CORO1A: variants seen among roughly 807,000 people sequenced by gnomAD.
CORO1A encodes coronin-1A.
CORO1A carries 17 observed loss-of-function variants against 44.1 expected under a neutral mutation model. That is an observed-to-expected ratio of 0.39 (90% confidence interval 0.26 to 0.58). The LOEUF (loss-of-function observed/expected upper bound fraction) is 0.58, where lower values mean the gene tolerates loss of function less well. Among genes scored for constraint, CORO1A ranks in the 20% least tolerant of loss-of-function variants. CORO1A has a pLI of 0.62. For synonymous variants in CORO1A, 271 were observed against 244.2 expected, an observed-to-expected ratio of 1.11 and a Z score of -1.02; for missense variants, 415 against 606.5, an observed-to-expected ratio of 0.68 and a Z score of 3.32.
Position 30,187,756 on chromosome 16 carries a change from AGCTGGACACCAG to A in CORO1A, c.789_800del (p.Glu263_Ser267delinsAsp). 6.2e-7 allele frequency: 1 copy of A among 1,610,926 alleles called. No homozygotes were observed. Among genetic ancestry groups the A allele is most frequent in the African/African-American group, 1.3e-5 (1 of 74,370 alleles). The stretch of plus-strand genomic sequence containing the variant: ...CTGGAGGAGCCGCTGTCCCTGCAGG[AGCTGGACACCAG>A]CAGCGGTGTCCTGCTGCCCTTCTTT... On this transcript the variant is annotated inframe_deletion, in exon 7 of 11. Coordinates refer to ENST00000219150, the MANE Select transcript of CORO1A (RefSeq NM_007074.4).
At chr16:30,185,167 T>C in intron 1 of CORO1A, 42 bp from the exon 2 acceptor site, 1 of 1,601,354 alleles carries the variant, frequency 6.2e-7, no homozygotes, top group Non-Finnish European at 8.6e-7. Flanking sequence ...AAGATCAGAG[T>C]TGACCTGAAG....
At chr16:30,186,374 G>A in intron 2 of CORO1A, 1 of 585,446 alleles carries the variant, frequency 1.7e-6, no homozygotes. Flanking sequence ...GTCTTGCACG[G>A]CCCCCAACCT....
At chr16:30,187,009 A>T (rs1215924354) in intron 4 of CORO1A, 30 bp from the exon 5 acceptor site, 2 of 1,613,632 alleles carry the variant, frequency 1.2e-6, no homozygotes, top group Non-Finnish European at 1.7e-6. Flanking sequence ...CAGGAGGCTC[A>T]TGGCTTCTGA....
rs1036383191 is a variant in CORO1A at position 30,183,618 on chromosome 16, A to T, written c.-109A>T. On this transcript the variant is annotated 5_prime_UTR_variant, in exon 1 of 11. The change creates a new upstream start codon in the 5' untranslated region. Transcript: ENST00000219150. This position sits in a 1 kb window ranked among gnomAD's most constrained non-coding sequence, Gnocchi z 5.0. ...CTGCTTCTCATTCATTGTCTTGACA[A>T]GAGCATCTTCAGCGGGCGAGTCCCC... is the stretch of plus-strand genomic sequence containing the variant. 1 of 153,780 alleles carries T rather than the reference A, an allele frequency of 6.5e-6. No homozygotes were observed. Among genetic ancestry groups the T allele is most frequent in the Non-Finnish European group, 1.4e-5 (1 of 69,336 alleles). 9.5% of individuals were successfully genotyped at this position (153,780 alleles called of 1,614,324 possible).
Position 30,187,938 on chromosome 16 carries a change from A to G in CORO1A, c.862-4A>G. The G allele has an allele frequency of 1.2e-6, 2 of 1,613,946 alleles. No individual in the cohort carries two copies. The highest frequency in any genetic ancestry group is 8.5e-7 in the Non-Finnish European group (1 of 1,179,948). ...GACCCTCCCTCCACACCTGCCACCT[A>G]CAGGGTGACAGCTCAATCCGGTACT... On this transcript the variant is annotated splice_region_variant and splice_polypyrimidine_tract_variant and intron_variant, in intron 7 of 10. Transcript: ENST00000219150.
rs533804856 is a variant in CORO1A at position 30,185,756 on chromosome 16, G to T, written c.198+349G>T. 5.9e-5 allele frequency: 21 copies of T among 354,424 alleles called. No homozygotes were observed. In the East Asian group the frequency reaches 1.3e-3, roughly 22 times the overall value. The allele number at this position is 354,424 out of a possible 1,614,324, so 22.0% of individuals were successfully genotyped here. A position where few individuals can be genotyped will look rare whatever the true frequency, so the allele number is the denominator to read the frequency against. ...TGGGGGCCCTGGCAGCGTTCTCAGG[G>T]TTGGGAGGGACTCTGGCTCTGGGCC... On this transcript the variant is annotated intron_variant, in intron 2 of 10. Transcript: ENST00000219150.
intron 2 of CORO1A, 147 bp from the exon 3 acceptor site, chr16:30,186,451 C>G: frequency 1.1e-6 from 1 of 949,514 alleles, no homozygotes; most frequent in Non-Finnish European, 1.6e-6. Flanking sequence ...AAGAGAAGAA[C>G]AACCCGCCCC....
chr16:30,184,728 A>G lies in CORO1A; in HGVS notation c.-1-481A>G, dbSNP rs2073313893. 7.8e-6 allele frequency: 2 copies of G among 255,504 alleles called. No individual in the cohort carries two copies. The highest frequency in any genetic ancestry group is 2.1e-4 in the East Asian group (2 of 9,506). 15.8% of individuals were successfully genotyped at this position (255,504 alleles called of 1,614,324 possible). On this transcript the variant is annotated intron_variant, in intron 1 of 10. Coordinates refer to ENST00000219150, the MANE Select transcript of CORO1A (RefSeq NM_007074.4). This position sits in a 1 kb window ranked among gnomAD's most constrained non-coding sequence, Gnocchi z 4.3. ...GCCACTTCCTCCTGTGTCCAGCCCC[A>G]TGCCAGCAGGCGAGGGAGGCCAGCT... is the stretch of plus-strand genomic sequence containing the variant.
At chr16:30,188,277 T>A (rs751708054) in intron 9 of CORO1A, 28 bp downstream of exon 9, 1 of 1,611,882 alleles carries the variant, frequency 6.2e-7, no homozygotes, top group Non-Finnish European at 8.5e-7. Flanking sequence ...CACCCTGGGC[T>A]CCAGGCTGGG....
rs1385911507 is a variant in CORO1A, at chr16:30,184,138, G to A, written c.-2+413G>A. ...CCAAGTTCCCCTTTCCGTGGTTTCC[G>A]GGCCTGGTACCTGTGGTGGGGGAGG... On this transcript the variant is annotated intron_variant, in intron 1 of 10. Coordinates refer to ENST00000219150, the MANE Select transcript of CORO1A (RefSeq NM_007074.4). The surrounding 1 kb of genome is among the most constrained non-coding windows in gnomAD (Gnocchi z 4.3). 1.3e-5 allele frequency: 2 copies of A among 152,524 alleles called. No homozygotes were observed. The highest frequency in any genetic ancestry group is 3.9e-4 in the East Asian group (2 of 5,192). The allele number at this position is 152,524 out of a possible 1,614,324, so 9.4% of individuals were successfully genotyped here.
rs1218780792 is a variant in CORO1A, at chr16:30,187,968, G to A, written c.888G>A (p.Glu296=). 1 of 1,614,048 alleles carries A rather than the reference G, an allele frequency of 6.2e-7. No homozygotes were observed. The highest frequency in any genetic ancestry group is 1.7e-5 in the Admixed American group (1 of 60,016). The part of the protein sequence containing the change: ...GKGDSSIRYF[E]ITSEAPFLHY... Reference sequence around the variant, plus strand: ...GTGACAGCTCAATCCGGTACTTTGAGATCACTTCCGAGGCCCCTTTCCTGC... The same window carrying A: ...GTGACAGCTCAATCCGGTACTTTGAAATCACTTCCGAGGCCCCTTTCCTGC... Residue 296 remains glutamate, a synonymous_variant, in exon 8 of 11, where the codon GAG becomes GAA. Transcript: ENST00000219150.
At chr16:30,187,288 AG>A in intron 5 of CORO1A, 65 bp downstream of exon 5, 1 of 1,604,850 alleles carries the variant, frequency 6.2e-7, no homozygotes, top group Non-Finnish European at 8.5e-7. Flanking sequence ...ACCATCAGCC[AG>A]GCCCTTGGAT....
chr16:30,187,861 G>T, intron 7 of CORO1A, 32 bp downstream of exon 7: 3 of 1,563,588 alleles, frequency 1.9e-6, no homozygotes, highest in Non-Finnish European at 8.8e-7. Context: ...GGGGTGGGAG[G>T]TGGGCAGGAT....
At position 30,188,519 on chromosome 16, in the gene CORO1A, G is replaced by C. The variant is rs768451328; in HGVS notation, c.1224G>C (p.Arg408=). 5 of 1,612,768 alleles carry C rather than the reference G, an allele frequency of 3.1e-6. No individual in the cohort carries two copies. The highest frequency in any genetic ancestry group is 4.2e-6 in the Non-Finnish European group (5 of 1,179,910). The part of the protein sequence containing the change: ...PPKSRELRVN[R]GLDTGRRRAA... ...AGAGCCGGGAGCTGAGGGTCAACCG[G>C]GGCCTGGACACCGGGCGCAGGAGGG... Residue 408 remains arginine, a synonymous_variant, in exon 10 of 11, where the codon CGG becomes CGC. Coordinates refer to ENST00000219150, the MANE Select transcript of CORO1A (RefSeq NM_007074.4).
chr16:30,185,854 G>C, intron 2 of CORO1A: 1 of 234,560 alleles, frequency 4.3e-6, no homozygotes, highest in Non-Finnish European at 8.6e-6. Context: ...TCCCCCACCC[G>C]CAGCCCTGCC....
At chr16:30,187,596 T>C in intron 6 of CORO1A, 95 bp downstream of exon 6, 2 of 1,526,096 alleles carry the variant, frequency 1.3e-6, no homozygotes, top group Non-Finnish European at 8.9e-7. Flanking sequence ...AGGATGGCCA[T>C]GGGCCTCAGT....
At chr16:30,188,273 G>A (rs927978067) in intron 9 of CORO1A, 24 bp downstream of exon 9, 14 of 1,613,348 alleles carry the variant, frequency 8.7e-6, no homozygotes, top group Non-Finnish European at 1.1e-5. Context: ...GCCCCACCCT[G>A]GGCTCCAGGC....
rs1417375765 is a variant in CORO1A, at chr16:30,186,820, G to A, written c.326G>A (p.Trp109Ter). 1 of 1,610,596 alleles carries A rather than the reference G, an allele frequency of 6.2e-7. No individual in the cohort carries two copies. Among genetic ancestry groups the A allele is most frequent in the Non-Finnish European group, 8.5e-7 (1 of 1,179,994 alleles). ...SGSEDCTVMV[W>*]EIPDGGLMLP... ...TCACTGGCCCCTCCTCTGCAGGTGT[G>A]GGAGATCCCAGATGGGGGCCTGATG... Residue 109 changes from tryptophan to a stop codon, truncating the protein, a stop_gained, in exon 4 of 11, where the codon TGG becomes TAG. Transcript: ENST00000219150. LOFTEE classifies it high-confidence loss of function.
At chr16:30,186,344 C>G (rs2151062232) in intron 2 of CORO1A, 1 of 518,148 alleles carries the variant, frequency 1.9e-6, no homozygotes, top group East Asian at 3.5e-5. Context: ...GAGACAGAGA[C>G]CGGCGGGAAC....
Sources: allele counts gnomAD v4.1 joint callset, GRCh38; gene constraint gnomAD v4.1.1; non-coding constraint Gnocchi (gnomAD v3.1); transcripts MANE v1.5; gene names NCBI Gene and HGNC (gene_info 2026-07-23, HGNC 2026-07-21).